The following KIAA1549L variants were observed in gnomAD, a reference collection of about 807,000 sequenced individuals.
KIAA1549L encodes UPF0606 protein KIAA1549L.
A neutral mutation model predicts 160.7 loss-of-function variants in KIAA1549L; 88 were observed. That is an observed-to-expected ratio of 0.55 (90% CI 0.46 to 0.65). The LOEUF (loss-of-function observed/expected upper bound fraction) is 0.65, where lower values mean the gene tolerates loss of function less well. Among genes scored for constraint, KIAA1549L ranks in the 30% least tolerant of loss-of-function variants. KIAA1549L has a pLI of 0.00. For synonymous variants in KIAA1549L, 950 were observed against 976.7 expected (o/e 0.97, Z 0.51); for missense variants, 2,258 against 2,437.5 (o/e 0.93, Z 1.55).
chr11:33,637,935 T>G (rs1002261430), intron 16 of KIAA1549L, among the ~76,000 whole-genome samples: 1 of 152,194 alleles, frequency 6.6e-6, no homozygotes, highest in African/African-American at 2.4e-5. Context: ...TAACAGTCCT[T>G]TCTTTTTCTC....
At chr11:33,658,459 T>C (rs1852144627) in intron 18 of KIAA1549L, among the ~76,000 whole-genome samples, 1 of 152,176 alleles carries the variant, frequency 6.6e-6, no homozygotes, top group African/African-American at 2.4e-5. Context: ...GGAAATTAAA[T>C]GTTCTACCAC....
chr11:33,560,606 G>A (rs960882831), intron 7 of KIAA1549L, among the ~76,000 whole-genome samples: 1 of 152,200 alleles, frequency 6.6e-6, no homozygotes, highest in African/African-American at 2.4e-5. Context: ...TTTTGAAGAT[G>A]CAGCAGGTTA....
chr11:33,546,045 T>C lies in KIAA1549L; in HGVS notation c.3385+667T>C, dbSNP rs116570506. ...TGAGCAAGGATGGAATGCTGTCTTT[T>C]AAGCCCCCATTCCCCAGCTGTAGCA... On this transcript the variant is annotated intron_variant, in intron 3 of 20. Transcript: ENST00000658780. 6.7e-3 allele frequency among the ~76,000 whole-genome samples: 1,024 copies of C among 152,308 alleles called. 8 individuals carry two copies. The highest frequency in any genetic ancestry group is 0.024 in the African/African-American group (989 of 41,544).
At chr11:33,507,449 G>C (rs928522668) in intron 1 of KIAA1549L, among the ~76,000 whole-genome samples, 25 of 152,144 alleles carry the variant, frequency 1.6e-4, no homozygotes, top group Non-Finnish European at 3.7e-4. Flanking sequence ...TTGCAGCTTT[G>C]ATCTTTCTGG....
At chr11:33,453,222 A>T (rs1336295424) in intron 1 of KIAA1549L, among the ~76,000 whole-genome samples, 1 of 152,220 alleles carries the variant, frequency 6.6e-6, no homozygotes, top group African/African-American at 2.4e-5. Flanking sequence ...TTGAGATTTC[A>T]TGGAGTCATA....
chr11:33,534,303 G>T (rs905275653), intron 1 of KIAA1549L, among the ~76,000 whole-genome samples: 1 of 151,556 alleles, frequency 6.6e-6, no homozygotes, highest in Non-Finnish European at 1.5e-5. Context: ...TGTTGGTCAG[G>T]CTGGTCTTGA....
At chr11:33,536,789 C>T (rs1165813150) in intron 1 of KIAA1549L, among the ~76,000 whole-genome samples, 1 of 152,202 alleles carries the variant, frequency 6.6e-6, no homozygotes, top group East Asian at 1.9e-4. Flanking sequence ...GTTTCCATCT[C>T]CCATGCAGGG....
chr11:33,593,202 G>T (rs530490598), intron 12 of KIAA1549L, among the ~76,000 whole-genome samples: 3 of 152,324 alleles, frequency 2.0e-5, no homozygotes, highest in Admixed American at 2.0e-4. Flanking sequence ...GGCCGAGGCA[G>T]GAGGATCACT....
At chr11:33,442,482 T>C (rs1382877978) in intron 1 of KIAA1549L, among the ~76,000 whole-genome samples, 1 of 152,190 alleles carries the variant, frequency 6.6e-6, no homozygotes, top group Non-Finnish European at 1.5e-5. Context: ...CTGACAGTTA[T>C]TTTCTCTCAA....
chr11:33,633,349 G>T (rs1412577214), intron 16 of KIAA1549L, among the ~76,000 whole-genome samples: 3 of 151,780 alleles, frequency 2.0e-5, no homozygotes, highest in African/African-American at 7.3e-5. Context: ...GATCAGCGTG[G>T]TGTTGTGTAA....
At chr11:33,401,643 T>C (rs1324837765) in intron 1 of KIAA1549L, among the ~76,000 whole-genome samples, 5 of 151,954 alleles carry the variant, frequency 3.3e-5, no homozygotes, top group Non-Finnish European at 5.9e-5. Context: ...CTCACTGCAG[T>C]CTTGACCTAC....
At chr11:33,458,466 T>C (rs1435202378) in intron 1 of KIAA1549L, among the ~76,000 whole-genome samples, 1 of 152,052 alleles carries the variant, frequency 6.6e-6, no homozygotes, top group African/African-American at 2.4e-5. Context: ...TAGAAAAGAA[T>C]CCTAATTAGG....
chr11:33,458,845 T>TC (rs961609770), intron 1 of KIAA1549L, among the ~76,000 whole-genome samples: 24 of 152,088 alleles, frequency 1.6e-4, no homozygotes, highest in African/African-American at 5.3e-4. Flanking sequence ...ATAGCTTGTG[T>TC]CCCCCCTGGG....
At chr11:33,550,186 G>A (rs1440003339) in intron 4 of KIAA1549L, among the ~76,000 whole-genome samples, 1 of 151,888 alleles carries the variant, frequency 6.6e-6, no homozygotes, top group Non-Finnish European at 1.5e-5. Flanking sequence ...AGTTAAGATG[G>A]TAGATTGTAT....
chr11:33,625,461 T>G (rs1231702497), intron 16 of KIAA1549L, among the ~76,000 whole-genome samples: 1 of 152,194 alleles, frequency 6.6e-6, no homozygotes, highest in Non-Finnish European at 1.5e-5. Flanking sequence ...CTAACTGGTG[T>G]GAGATGGTAT....
At chr11:33,594,580 C>G (rs1308457105) in intron 12 of KIAA1549L, among the ~76,000 whole-genome samples, 3 of 152,130 alleles carry the variant, frequency 2.0e-5, no homozygotes, top group Non-Finnish European at 4.4e-5. Flanking sequence ...GCAAGAAAAA[C>G]AAAAAACACC....
intron 1 of KIAA1549L, among the ~76,000 whole-genome samples, chr11:33,436,946 C>G (rs985583692): frequency 3.3e-5 from 5 of 152,144 alleles, no homozygotes; most frequent in Non-Finnish European, 7.3e-5. Flanking sequence ...TCCTTCAGCA[C>G]CAACGTGGGG....
At chr11:33,462,895 C>T (rs1221552542) in intron 1 of KIAA1549L, among the ~76,000 whole-genome samples, 1 of 152,024 alleles carries the variant, frequency 6.6e-6, no homozygotes, top group African/African-American at 2.4e-5. Flanking sequence ...AGTGCAATGG[C>T]ATAATCATAG....
Position 33,568,063 on chromosome 11 carries a change from T to C in KIAA1549L, c.4079-13T>C. 1 of 1,597,396 alleles carries C rather than the reference T, an allele frequency of 6.3e-7. No individual in the cohort carries two copies. Among genetic ancestry groups the C allele is most frequent in the Non-Finnish European group, 8.5e-7 (1 of 1,171,378 alleles). On this transcript the variant is annotated splice_polypyrimidine_tract_variant and intron_variant, in intron 8 of 20. Coordinates refer to ENST00000658780, the MANE Select transcript of KIAA1549L (RefSeq NM_012194.3). ...TGCCTTCTGAGCCTCTGCTCTGCCT[T>C]CTGCATCCACAGTGCTGCAGGGTGT...
Sources: gnomAD v4.1 joint callset for allele counts (sites outside exome capture counted in the v4.1 genomes callset) on GRCh38, gnomAD v4.1.1 for gene constraint, MANE v1.5 for transcripts, NCBI Gene and HGNC (gene_info 2026-07-23, HGNC 2026-07-21) for gene names.